UBR2: variants seen among roughly 807,000 people sequenced by gnomAD.
The protein encoded by UBR2 is ubiquitin protein ligase E3 component n-recognin 2, also known as E3 ubiquitin-protein ligase UBR2.
Under a neutral mutation model 247.9 loss-of-function variants are expected in UBR2, and 92 were observed. That is an observed-to-expected ratio of 0.37 (90% CI 0.31 to 0.44). The LOEUF (loss-of-function observed/expected upper bound fraction) is 0.44. Ranked by LOEUF, UBR2 falls within the 20% of genes least tolerant of loss-of-function variation. UBR2 has a pLI of 1.00. For missense variants in UBR2, 1,613 were observed against 2,112.6 expected, an observed-to-expected ratio of 0.76 and a Z score of 4.64; for synonymous variants, 672 against 693.5, an observed-to-expected ratio of 0.97 and a Z score of 0.49.
At chr6:42,580,316 G>A (rs1452067411) in intron 2 of UBR2, among the ~76,000 whole-genome samples, 2 of 152,174 alleles carry the variant, frequency 1.3e-5, no homozygotes, top group African/African-American at 4.8e-5. Flanking sequence ...TCAGTTTGGT[G>A]CAGAATGAAA....
rs77005793 is a variant in UBR2 at position 42,611,152 on chromosome 6, T to TA, written c.865-1003dup. ...TGAGCTACCGTGCCCAGCCATGATT[T>TA]AAAAAAAAAAAAAAAAGTTGATAAC... On this transcript the variant is annotated intron_variant, in intron 7 of 46. Coordinates refer to ENST00000372901, the MANE Select transcript of UBR2 (RefSeq NM_001363705.2). Among the ~76,000 whole-genome samples, 878 of 128,872 alleles carry TA rather than the reference T, an allele frequency of 6.8e-3. 3 individuals carry two copies. Among genetic ancestry groups the TA allele is most frequent in the African/African-American group, 0.017 (626 of 36,276 alleles). The allele number at this position is 128,872 out of a possible 152,430, so 84.5% of individuals were successfully genotyped here.
At chr6:42,619,868 C>T (rs1401203631) in intron 11 of UBR2, 2 of 750,938 alleles carry the variant, frequency 2.7e-6, no homozygotes, top group East Asian at 1.3e-4. Context: ...CAGATGCATG[C>T]CACCACACCC....
intron 2 of UBR2, among the ~76,000 whole-genome samples, chr6:42,587,241 C>T (rs1016092682): frequency 1.3e-5 from 2 of 152,176 alleles, no homozygotes; most frequent in Admixed American, 6.5e-5. Context: ...CCACATATAT[C>T]TTGCTCCCAG....
chr6:42,582,563 C>T (rs1489263280), intron 2 of UBR2, among the ~76,000 whole-genome samples: 1 of 152,008 alleles, frequency 6.6e-6, no homozygotes, highest in Non-Finnish European at 1.5e-5. Flanking sequence ...TTATCTTCTC[C>T]TCTAGTAATG....
rs1024856174 is a variant in UBR2 at position 42,632,619 on chromosome 6, G to C, written c.1349G>C (p.Arg450Thr). The C allele has an allele frequency of 5.0e-6, 8 of 1,613,362 alleles. No individual in the cohort carries two copies. The African/African-American group carries it at 9.4e-5, about 19-fold the overall frequency. ...IIIKTFMDHL[R>T]HRDAQGRFQF... ...ATTAAGACTTTTATGGATCATTTGA[G>C]ACATCGAGATGCCCAGGGCAGATTT... Residue 450 changes from arginine to threonine, a missense_variant, in exon 12 of 47, where the codon AGA (arginine) becomes ACA (threonine). Around this residue, in one of 3 missense-constraint regions of UBR2, gnomAD observed 1,524 missense variants for 1,967.3 expected, o/e 0.77. Transcript: ENST00000372901.
intron 43 of UBR2, among the ~76,000 whole-genome samples, chr6:42,684,485 G>A (rs796533267): frequency 3.9e-5 from 6 of 151,936 alleles, no homozygotes; most frequent in African/African-American, 1.4e-4. Context: ...TCGGGAGGCT[G>A]AGGCAGGAGA....
Position 42,616,000 on chromosome 6 carries a change from A to G in UBR2, c.1094-2A>G. On this transcript the variant is annotated splice_acceptor_variant, in intron 9 of 46. Transcript: ENST00000372901. LOFTEE classifies it high-confidence loss of function. ...TCTTATACCGTGATCTTTTTCTACA[A>G]GGTGCTAGGAGTGTATATCATCAGT... The G allele has an allele frequency of 6.4e-7, 1 of 1,574,150 alleles. No individual in the cohort carries two copies. Among genetic ancestry groups the G allele is most frequent in the Non-Finnish European group, 8.6e-7 (1 of 1,165,544 alleles).
At position 42,612,416 on chromosome 6, in the gene UBR2, C is replaced by T. The variant is rs111971264; in HGVS notation, c.985+125C>T. The T allele has an allele frequency of 3.0e-4, 344 of 1,163,182 alleles. 7 individuals are homozygous for T. The African/African-American group carries it at 4.7e-3, about 16-fold the overall frequency. 72.1% of individuals were successfully genotyped at this position (1,163,182 alleles called of 1,614,324 possible). ...GCTTTAATTTTACATTTTAAAATAC[C>T]ATTTCAAAATATCTTTATGCATAGA... On this transcript the variant is annotated intron_variant, in intron 8 of 46. Coordinates refer to ENST00000372901, the MANE Select transcript of UBR2 (RefSeq NM_001363705.2).
intron 41 of UBR2, among the ~76,000 whole-genome samples, chr6:42,678,960 A>G (rs770431566): frequency 1.3e-5 from 2 of 152,228 alleles, no homozygotes; most frequent in African/African-American, 2.4e-5. Context: ...TCAGTTATGT[A>G]TTATTCATAA....
chr6:42,581,381 G>A (rs552775813), intron 2 of UBR2, among the ~76,000 whole-genome samples: 88 of 152,110 alleles, frequency 5.8e-4, no homozygotes, highest in Admixed American at 1.7e-3. Flanking sequence ...AGTAGAGACC[G>A]GGTTTCGCCA....
intron 11 of UBR2, among the ~76,000 whole-genome samples, chr6:42,629,237 G>C (rs1795544135): frequency 1.3e-5 from 2 of 151,974 alleles, no homozygotes; most frequent in African/African-American, 4.8e-5. Context: ...GACAGGTCTG[G>C]AACTCCTGAC....
rs1794360303 is a variant in UBR2, at chr6:42,614,375, T to TGTATATATGTACGTACATACATAC, written c.986-685_986-684insCGTACATACATACGTATATATGTA. Among the ~76,000 whole-genome samples the TGTATATATGTACGTACATACATAC allele has an allele frequency of 3.9e-3, 274 of 69,766 alleles. 6 individuals are homozygous for TGTATATATGTACGTACATACATAC. The highest frequency in any genetic ancestry group is 9.7e-3 in the African/African-American group (178 of 18,396). 45.8% of individuals were successfully genotyped at this position (69,766 alleles called of 152,430 possible). A position where few individuals can be genotyped will look rare whatever the true frequency, so the allele number is the denominator to read the frequency against. On this transcript the variant is annotated intron_variant, in intron 8 of 46. Coordinates refer to ENST00000372901, the MANE Select transcript of UBR2 (RefSeq NM_001363705.2). ...ATGTGTGTATATATGTGTGTATGTG[T>TGTATATATGTACGTACATACATAC]GTATATATGTATGTACGTACATACA...
At chr6:42,596,202 A>G (rs1291189608) in intron 4 of UBR2, among the ~76,000 whole-genome samples, 2 of 150,674 alleles carry the variant, frequency 1.3e-5, no homozygotes, top group South Asian at 2.1e-4. Flanking sequence ...AAAGACTTGA[A>G]TAGACATTTT....
intron 2 of UBR2, among the ~76,000 whole-genome samples, chr6:42,578,474 A>T (rs2151906808): frequency 6.6e-6 from 1 of 152,268 alleles, no homozygotes; most frequent in Admixed American, 6.5e-5. Context: ...GATGTGGATG[A>T]GCATTGGAAG....
At chr6:42,634,031 CT>C (rs1325993409) in intron 13 of UBR2, among the ~76,000 whole-genome samples, 2 of 152,098 alleles carry the variant, frequency 1.3e-5, no homozygotes, top group African/African-American at 4.8e-5. Context: ...GCGCCAGCCA[CT>C]TTTATATTTC....
chr6:42,677,989 G>A (rs1248399147), intron 40 of UBR2, among the ~76,000 whole-genome samples: 2 of 151,982 alleles, frequency 1.3e-5, no homozygotes, highest in African/African-American at 4.8e-5. Context: ...GAGCCCAGTA[G>A]TTTGAGTCCA....
At chr6:42,658,446 T>G in intron 28 of UBR2, 126 bp downstream of exon 28, 1 of 1,113,758 alleles carries the variant, frequency 9.0e-7, no homozygotes, top group East Asian at 2.6e-5. Flanking sequence ...TATGCCACTA[T>G]TTATCTCTAT....
In UBR2 at chr6:42,635,378, A is replaced by G. The variant is rs755669798; in HGVS notation, c.1546-40A>G. 6 of 1,584,214 alleles carry G rather than the reference A, an allele frequency of 3.8e-6. No individual in the cohort carries two copies. In the South Asian group the frequency reaches 4.5e-5, roughly 12 times the overall value. ...TAGGTTTCCATATAAAAGAACAACT[A>G]TTATTTTCATTCATATATAATTTTT... is the stretch of plus-strand genomic sequence containing the variant. On this transcript the variant is annotated intron_variant, in intron 13 of 46. Coordinates refer to ENST00000372901, the MANE Select transcript of UBR2 (RefSeq NM_001363705.2).
intron 29 of UBR2, 27 bp downstream of exon 29, chr6:42,658,851 T>C (rs751103036): frequency 1.4e-6 from 2 of 1,462,086 alleles, no homozygotes; most frequent in Admixed American, 2.4e-5. Flanking sequence ...AAAAAATTAA[T>C]GTCTTGACGA....
Sources: allele counts gnomAD v4.1 joint callset (sites outside exome capture counted in the v4.1 genomes callset), GRCh38; gene constraint gnomAD v4.1.1; regional missense constraint gnomAD v4.1.1; transcripts MANE v1.5; gene names NCBI Gene and HGNC (gene_info 2026-07-23, HGNC 2026-07-21).